Variants in ANKRD35 observed in about 807,000 individuals in gnomAD.
ANKRD35 encodes the protein ankyrin repeat domain-containing protein 35.
Under a neutral mutation model 109.9 loss-of-function variants are expected in ANKRD35, and 102 were observed. The ratio of observed to expected loss-of-function variants is 0.93; its 90% CI spans 0.79 to 1.09. The LOEUF is 1.09. Ranked by LOEUF, ANKRD35 falls within the 50% of genes least tolerant of loss-of-function variation. The pLI, the probability that ANKRD35 is intolerant of heterozygous loss-of-function variation, is 0.00. For synonymous variants in ANKRD35, 515 were observed against 512.4 expected, an observed-to-expected ratio of 1.01 and a Z score of -0.07; for missense variants, 1,240 against 1,230.1, an observed-to-expected ratio of 1.01 and a Z score of -0.12.
intron 10 of ANKRD35, among the ~76,000 whole-genome samples, chr1:145,868,648 C>CTA (rs1442235828): frequency 6.6e-6 from 1 of 152,222 alleles, no homozygotes; most frequent in Non-Finnish European, 1.5e-5. Context: ...ATATTGTGAA[C>CTA]TATACCCCTT....
Position 145,872,438 on chromosome 1 carries a change from G to A in ANKRD35, c.2331C>T (p.Pro777=), listed in dbSNP as rs1553738927. 6.2e-7 allele frequency: 1 copy of A among 1,610,086 alleles called. No homozygotes were observed. Among genetic ancestry groups the A allele is most frequent in the Non-Finnish European group, 8.5e-7 (1 of 1,178,708 alleles). Residue 777 remains proline (P), a synonymous_variant, in exon 10 of 14, where the codon CCC becomes CCT. Coordinates refer to ENST00000355594, the MANE Select transcript of ANKRD35 (RefSeq NM_144698.5). Reference sequence around the variant, plus strand: ...GGTCTTGCTCCAGAGCGGCCACTTGGGGGGATGCTGGGGCCTTTAAGGAGG... The same window carrying A: ...GGTCTTGCTCCAGAGCGGCCACTTGAGGGGATGCTGGGGCCTTTAAGGAGG... ...PGTSLKAPAS[P]QVAALEQDLG...
At chr1:145,885,021 C>T (rs1269662139) in intron 1 of ANKRD35, among the ~76,000 whole-genome samples, 2 of 152,220 alleles carry the variant, frequency 1.3e-5, no homozygotes, top group Admixed American at 1.3e-4. Flanking sequence ...GTGGGACTGG[C>T]GACCACTGGG....
intron 10 of ANKRD35, 57 bp from the exon 11 acceptor site, chr1:145,868,457 G>A: frequency 1.3e-6 from 2 of 1,492,936 alleles, no homozygotes; most frequent in Non-Finnish European, 1.9e-6. Context: ...CTCCCACAAG[G>A]GTCAAGGTCA....
In ANKRD35 at chr1:145,868,063, A is replaced by C. The variant is rs1553738018; in HGVS notation, c.2878-7T>G. The C allele has an allele frequency of 1.9e-6, 3 of 1,613,784 alleles. No homozygotes were observed. The highest frequency in any genetic ancestry group is 2.5e-6 in the Non-Finnish European group (3 of 1,179,748). On this transcript the variant is annotated splice_region_variant and splice_polypyrimidine_tract_variant and intron_variant, in intron 11 of 13. Transcript: ENST00000355594. ...CATGGTTCTTCTGGGAATCCTGGGA[A>C]TGAACATCAATGGGAAGTCACATGT...
chr1:145,885,218 G>T (rs1226082034), intron 1 of ANKRD35, among the ~76,000 whole-genome samples: 1 of 152,180 alleles, frequency 6.6e-6, no homozygotes, highest in Non-Finnish European at 1.5e-5. Flanking sequence ...AAGGCACAGG[G>T]CTGGGAGTGC....
chr1:145,877,188 C>T (rs992494819), intron 4 of ANKRD35, among the ~76,000 whole-genome samples: 2 of 151,374 alleles, frequency 1.3e-5, no homozygotes, highest in Middle Eastern at 3.5e-3. Flanking sequence ...TTAGGAAGAA[C>T]GAAAGTAGAA....
rs1372089350 is a variant in ANKRD35 at position 145,873,432 on chromosome 1, G to A, written c.1337C>T (p.Thr446Ile). 1 of 1,614,082 alleles carries A rather than the reference G, an allele frequency of 6.2e-7. No individual in the cohort carries two copies. Among genetic ancestry groups the A allele is most frequent in the Non-Finnish European group, 8.5e-7 (1 of 1,179,982 alleles). Reference protein sequence around the residue: ...IRKATGQQLTTNGAQTFGPDH... With the variant: ...IRKATGQQLTINGAQTFGPDH... ...AGGGCCAAAGGTCTGTGCCCCATTG[G>A]TAGTCAGTTGCTGTCCTGTGGCTTT... is the stretch of plus-strand genomic sequence containing the variant. Residue 446 changes from threonine to isoleucine, a missense_variant, in exon 10 of 14, where the codon ACC (threonine) becomes ATC (isoleucine). Transcript: ENST00000355594.
chr1:145,877,848 C>G (rs1182611881), intron 4 of ANKRD35, 120 bp downstream of exon 4: 3 of 903,878 alleles, frequency 3.3e-6, no homozygotes, highest in Non-Finnish European at 5.3e-6. Context: ...TATCAGCCCT[C>G]CTATTGGGGA....
At chr1:145,882,859 C>A (rs1246849705) in intron 1 of ANKRD35, among the ~76,000 whole-genome samples, 2 of 152,102 alleles carry the variant, frequency 1.3e-5, no homozygotes, top group Admixed American at 6.5e-5. Flanking sequence ...TAAGTATAAG[C>A]TTTGTATTTC....
At chr1:145,878,289 A>T in intron 3 of ANKRD35, 102 bp downstream of exon 3, 1 of 1,257,716 alleles carries the variant, frequency 8.0e-7, no homozygotes, top group Non-Finnish European at 1.1e-6. Flanking sequence ...GAGAGAAGCA[A>T]GGGGCCACAG....
chr1:145,867,955 A>T, intron 12 of ANKRD35, 36 bp downstream of exon 12: 1 of 1,601,686 alleles, frequency 6.2e-7, no homozygotes, highest in Non-Finnish European at 8.6e-7. Context: ...ACTCAGCTTT[A>T]TGTCTATACC....
At position 145,878,449 on chromosome 1, in the gene ANKRD35, T is replaced by C; in HGVS notation, c.201A>G (p.Thr67=). 6.4e-7 allele frequency: 1 copy of C among 1,571,988 alleles called. No homozygotes were observed. Among genetic ancestry groups the C allele is most frequent in the South Asian group, 1.2e-5 (1 of 85,534 alleles). ...TTGCAAGCAGGATAGTCAGACATTC[T>C]GTCAGGCCTTTGGAGGCTGCCAGAT... The part of the protein sequence containing the change: ...PFHLAASKGL[T]ECLTILLANG... The change falls in exon 3 of 14, where the codon ACA becomes ACG. Residue 67 remains threonine, a synonymous_variant. Coordinates refer to ENST00000355594, the MANE Select transcript of ANKRD35 (RefSeq NM_144698.5).
Position 145,874,824 on chromosome 1 carries a change from C to A in ANKRD35, c.743G>T (p.Gly248Val). The A allele has an allele frequency of 6.3e-7, 1 of 1,588,840 alleles. No homozygotes were observed. Among genetic ancestry groups the A allele is most frequent in the Non-Finnish European group, 8.6e-7 (1 of 1,169,056 alleles). ...LQQALSRRRR[G>V]GQRLVQHPDL... is the part of the protein sequence containing the mutation. ...GGAAGTTACACAAGGGCCTTTACCG[C>A]CCCGCCGCCGCCGGCTCAGGGCCTG... The change falls in exon 8 of 14, where the codon GGC becomes GTC. Residue 248 changes from glycine (G) to valine (V), a missense_variant and splice_region_variant. By Grantham distance (109) the Gly-to-Val change is moderately radical (BLOSUM62 -3). Transcript: ENST00000355594.
intron 10 of ANKRD35, among the ~76,000 whole-genome samples, chr1:145,868,983 A>G (rs1324192427): frequency 6.6e-6 from 1 of 152,178 alleles, no homozygotes; most frequent in Non-Finnish European, 1.5e-5. Context: ...ACTCAGTTTA[A>G]AAAGACTAAA....
At position 145,875,003 on chromosome 1, in the gene ANKRD35, C is replaced by CAG. The variant is rs1654013988; in HGVS notation, c.563_564insCT (p.Ala189TrpfsTer3). The CAG allele has an allele frequency of 1.1e-5, 17 of 1,597,974 alleles. No homozygotes were observed. Among genetic ancestry groups the CAG allele is most frequent in the Non-Finnish European group, 1.5e-5 (17 of 1,171,870 alleles). On this transcript the variant is annotated frameshift_variant, in exon 8 of 14. Coordinates refer to ENST00000355594, the MANE Select transcript of ANKRD35 (RefSeq NM_144698.5). LOFTEE classifies it high-confidence loss of function. ...CTTTCTCACAGGCCAGGATCAAAGC[C>CAG]GATCTGTGGGTTGAGACAAATCTGA...
At chr1:145,884,411 G>A (rs781830998) in intron 1 of ANKRD35, among the ~76,000 whole-genome samples, 7 of 152,206 alleles carry the variant, frequency 4.6e-5, no homozygotes, top group Non-Finnish European at 8.8e-5. Flanking sequence ...ACCTGCCCAT[G>A]CAGAATGAGC....
chr1:145,876,713 G>T, intron 5 of ANKRD35, 74 bp from the exon 6 acceptor site: 1 of 1,607,300 alleles, frequency 6.2e-7, no homozygotes, highest in South Asian at 1.1e-5. Flanking sequence ...CATCCCCTCC[G>T]ACCATTTCAT....
At chr1:145,877,577 C>A (rs1553740364) in intron 4 of ANKRD35, among the ~76,000 whole-genome samples, 1 of 152,176 alleles carries the variant, frequency 6.6e-6, no homozygotes, top group Non-Finnish European at 1.5e-5. Flanking sequence ...AAATGATCCA[C>A]ATGTCATTTT....
In ANKRD35 at chr1:145,873,790, C is replaced by T. The variant is rs1341194080; in HGVS notation, c.979G>A (p.Ala327Thr). ...TTCTCAAGGTCCAGATAGGCTGCAG[C>T]TTGAGTCTTACACTCTTCTGTCTTT... ...VQKTEECKTQ[A>T]AAYLDLENQI... Residue 327 changes from alanine to threonine, a missense_variant, in exon 10 of 14, where the codon GCT becomes ACT. Coordinates refer to ENST00000355594, the MANE Select transcript of ANKRD35 (RefSeq NM_144698.5). The T allele has an allele frequency of 5.0e-6, 8 of 1,609,744 alleles. No homozygotes were observed. The highest frequency in any genetic ancestry group is 6.8e-6 in the Non-Finnish European group (8 of 1,177,816).
Sources: allele counts gnomAD v4.1 joint callset (sites outside exome capture counted in the v4.1 genomes callset), GRCh38; gene constraint gnomAD v4.1.1; transcripts MANE v1.5; gene names NCBI Gene and HGNC (gene_info 2026-07-23, HGNC 2026-07-21).